The following TMEM132D variants were observed in gnomAD, a reference collection of about 807,000 sequenced individuals.
TMEM132D encodes the protein mature OL transmembrane protein.
A neutral mutation model predicts 62.3 loss-of-function variants in TMEM132D; 21 were observed. The observed-to-expected ratio is 0.34, with a 90% CI of 0.24 to 0.49. The LOEUF (loss-of-function observed/expected upper bound fraction) is 0.49. Among genes scored for constraint, TMEM132D ranks in the 20% least tolerant of loss-of-function variants. The pLI is 0.99. For synonymous variants in TMEM132D, 621 were observed against 575.6 expected (o/e 1.08, Z -1.13); for missense variants, 1,346 against 1,402.8 (o/e 0.96, Z 0.65).
At chr12:129,553,021 C>G (rs945766265) in intron 2 of TMEM132D, among the ~76,000 whole-genome samples, 4 of 152,288 alleles carry the variant, frequency 2.6e-5, no homozygotes, top group Admixed American at 2.6e-4. Flanking sequence ...CAAGAAAGGT[C>G]ACGCCACCAT....
At chr12:129,432,110 AATGGATGGATAGGTGG>A (rs1313925647) in intron 3 of TMEM132D, among the ~76,000 whole-genome samples, 2 of 150,844 alleles carry the variant, frequency 1.3e-5, no homozygotes, top group South Asian at 2.1e-4. Context: ...TGGATGAATG[AATGGATGGATAGGTGG>A]ATGGATGGAT....
chr12:129,533,943 T>C (rs764130784), intron 2 of TMEM132D, among the ~76,000 whole-genome samples: 1 of 152,222 alleles, frequency 6.6e-6, no homozygotes, highest in Non-Finnish European at 1.5e-5. Context: ...TGGATGGTCA[T>C]TCTTCGGAGA....
intron 5 of TMEM132D, among the ~76,000 whole-genome samples, chr12:129,136,516 G>A (rs1876561759): frequency 6.6e-6 from 1 of 152,194 alleles, no homozygotes; most frequent in African/African-American, 2.4e-5. Flanking sequence ...GAGGTGATTT[G>A]CCTTTTTCAG....
chr12:129,539,898 G>C (rs954604406), intron 2 of TMEM132D, among the ~76,000 whole-genome samples: 4 of 152,122 alleles, frequency 2.6e-5, no homozygotes, highest in Non-Finnish European at 4.4e-5. Flanking sequence ...GGAGCCCAGC[G>C]GGGAGAACGA....
At chr12:129,628,289 C>T (rs954340836) in intron 2 of TMEM132D, among the ~76,000 whole-genome samples, 3 of 152,264 alleles carry the variant, frequency 2.0e-5, no homozygotes, top group African/African-American at 7.2e-5. Flanking sequence ...TTGGTGGTTG[C>T]TACTTCTATC....
chr12:129,847,584 A>T (rs112317389), intron 1 of TMEM132D, among the ~76,000 whole-genome samples: 1 of 152,260 alleles, frequency 6.6e-6, no homozygotes, highest in Non-Finnish European at 1.5e-5. Context: ...ATTTCCGAAT[A>T]TTAGGAACAC....
chr12:129,612,404 C>T lies in TMEM132D; in HGVS notation c.969-81199G>A, dbSNP rs148594537. 2.0e-3 allele frequency among the ~76,000 whole-genome samples: 303 copies of T among 152,112 alleles called. 1 individual carries two copies. The highest frequency in any genetic ancestry group is 6.9e-3 in the African/African-American group (286 of 41,472). On this transcript the variant is annotated intron_variant, in intron 2 of 8. Transcript: ENST00000422113. The stretch of plus-strand genomic sequence containing the variant: ...CTGCAGCCTGCTTCTTGCTCCTGGA[C>T]GCTTGGGGGACCAAGAATTGTTTCA...
intron 5 of TMEM132D, among the ~76,000 whole-genome samples, chr12:129,165,585 C>T (rs1225481707): frequency 2.0e-5 from 3 of 152,122 alleles, no homozygotes; most frequent in African/African-American, 4.8e-5. Flanking sequence ...GTTTCTCTAA[C>T]ACCACTCTCC....
intron 5 of TMEM132D, among the ~76,000 whole-genome samples, chr12:129,117,738 C>T (rs1182923778): frequency 6.6e-6 from 1 of 152,202 alleles, no homozygotes. Context: ...AGGAAGTATA[C>T]TAATAACAAA....
At chr12:129,629,397 C>T (rs1048717458) in intron 2 of TMEM132D, among the ~76,000 whole-genome samples, 1 of 152,192 alleles carries the variant, frequency 6.6e-6, no homozygotes, top group African/African-American at 2.4e-5. Context: ...GCATCTAGTC[C>T]AGTGTCTGAC....
intron 5 of TMEM132D, among the ~76,000 whole-genome samples, chr12:129,136,323 AAGTGTC>A: frequency 6.6e-6 from 1 of 152,296 alleles, no homozygotes; most frequent in East Asian, 1.9e-4. Flanking sequence ...GAGATTGCCC[AAGTGTC>A]TTTACGTGTC....
At chr12:129,340,632 T>A (rs1191216343) in intron 3 of TMEM132D, among the ~76,000 whole-genome samples, 1 of 152,198 alleles carries the variant, frequency 6.6e-6, no homozygotes, top group Non-Finnish European at 1.5e-5. Flanking sequence ...ACAAAGGACA[T>A]GAACTCATCA....
chr12:129,855,100 A>AGTCCGGGGGAACGGGATGG (rs1873685696), intron 1 of TMEM132D, among the ~76,000 whole-genome samples: 1 of 134,544 alleles, frequency 7.4e-6, no homozygotes, highest in African/African-American at 2.8e-5. Flanking sequence ...CTTATAACAG[A>AGTCCGGGGGAACGGGATGG]GTCCGGGGGA....
intron 4 of TMEM132D, among the ~76,000 whole-genome samples, chr12:129,215,302 G>A (rs564391811): frequency 2.6e-5 from 4 of 152,246 alleles, no homozygotes; most frequent in Admixed American, 2.0e-4. Flanking sequence ...CACATAGAGG[G>A]TAACAACACA....
At chr12:129,148,080 A>G (rs1876965063) in intron 5 of TMEM132D, among the ~76,000 whole-genome samples, 1 of 152,142 alleles carries the variant, frequency 6.6e-6, no homozygotes, top group African/African-American at 2.4e-5. Context: ...CATAATAGTA[A>G]TGGGCTGTTT....
intron 3 of TMEM132D, among the ~76,000 whole-genome samples, chr12:129,467,097 G>T (rs1048126494): frequency 1.3e-5 from 2 of 152,048 alleles, no homozygotes; most frequent in African/African-American, 2.4e-5. Flanking sequence ...TTTAAAATAT[G>T]CATCTGTAAT....
At chr12:129,116,696 T>C (rs772890006) in intron 5 of TMEM132D, among the ~76,000 whole-genome samples, 1 of 152,084 alleles carries the variant, frequency 6.6e-6, no homozygotes, top group African/African-American at 2.4e-5. Flanking sequence ...TGAGATGTGA[T>C]TATATTCCTA....
chr12:129,789,515 T>A (rs1871340631), intron 1 of TMEM132D, among the ~76,000 whole-genome samples: 1 of 152,222 alleles, frequency 6.6e-6, no homozygotes, highest in South Asian at 2.1e-4. Context: ...TCAAATGCAG[T>A]ATATGCAATA....
intron 4 of TMEM132D, among the ~76,000 whole-genome samples, chr12:129,272,024 C>T (rs1880866447): frequency 6.6e-6 from 1 of 151,824 alleles, no homozygotes; most frequent in South Asian, 2.1e-4. Flanking sequence ...TATACTCCCA[C>T]CCAACAGTGT....
Sources: allele counts gnomAD v4.1 joint callset (sites outside exome capture counted in the v4.1 genomes callset), GRCh38; gene constraint gnomAD v4.1.1; transcripts MANE v1.5; gene names NCBI Gene and HGNC (gene_info 2026-07-23, HGNC 2026-07-21).